Variants in ARPC4 observed in about 807,000 individuals in gnomAD.
The protein encoded by ARPC4 is actin related protein 2/3 complex subunit 4, also known as actin-related protein 2/3 complex subunit 4.
ARPC4 carries 3 observed loss-of-function variants against 22.8 expected under a neutral mutation model. That is an observed-to-expected ratio of 0.13 (90% CI 0.06 to 0.34). The LOEUF is 0.34. Ranked by LOEUF, ARPC4 falls within the 10% of genes least tolerant of loss-of-function variation. The pLI is 1.00. For synonymous variants in ARPC4, 80 were observed against 72.5 expected (o/e 1.10, Z -0.52); for missense variants, 98 against 211.0 (o/e 0.46, Z 3.32).
chr3:9,792,762 T>G, upstream of ARPC4: 1 of 1,245,594 alleles, frequency 8.0e-7, no homozygotes, highest in South Asian at 3.4e-5. Flanking sequence ...GAAGGGCTCG[T>G]CCGCTTCGGC....
intron 1 of ARPC4, among the ~76,000 whole-genome samples, chr3:9,794,919 A>G (rs1378093015): frequency 6.6e-6 from 1 of 152,162 alleles, no homozygotes; most frequent in South Asian, 2.1e-4. Context: ...AGAGTCAACC[A>G]TGTTGTGTGT....
chr3:9,804,278 A>G (rs372784673), intron 5 of ARPC4: 67 of 365,756 alleles, frequency 1.8e-4, no homozygotes, highest in African/African-American at 1.3e-3. Flanking sequence ...TCATTTCTAC[A>G]TCTCAGGATG....
Position 9,806,368 on chromosome 3 carries a change from G to A in ARPC4, c.*153G>A. 1 of 886,024 alleles carries A rather than the reference G, an allele frequency of 1.1e-6. No individual in the cohort carries two copies. The highest frequency in any genetic ancestry group is 1.4e-5 in the South Asian group (1 of 71,054). 54.9% of individuals were successfully genotyped at this position (886,024 alleles called of 1,614,324 possible). On this transcript the variant is annotated 3_prime_UTR_variant, in exon 6 of 6. Coordinates refer to ENST00000397261, the MANE Select transcript of ARPC4 (RefSeq NM_005718.5). ...GAGGTGGGTGGTGTGCTTGCTAGCT[G>A]GGCAAGAAAGCAGCAGTGGACCTGC...
At chr3:9,802,755 C>A (rs530007745) in intron 4 of ARPC4, among the ~76,000 whole-genome samples, 31 of 150,442 alleles carry the variant, frequency 2.1e-4, no homozygotes, top group Admixed American at 9.4e-4. Flanking sequence ...CTGACTGCAA[C>A]CTTCCACCTC....
upstream of ARPC4, chr3:9,792,854 G>A (rs41278549): frequency 0.034 from 46,063 of 1,368,290 alleles, 889 homozygotes; most frequent in Middle Eastern, 0.045. Flanking sequence ...TGACAAGAAG[G>A]CCGAAGGCAC....
rs1340218076 is a variant in ARPC4, at chr3:9,800,247, T to G, written c.185T>G (p.Leu62Arg). 2 of 1,614,072 alleles carry G rather than the reference T, an allele frequency of 1.2e-6. No homozygotes were observed. Among genetic ancestry groups the G allele is most frequent in the Non-Finnish European group, 1.7e-6 (2 of 1,180,042 alleles). Residue 62 changes from leucine (L) to arginine (R), a missense_variant, in exon 3 of 6, where the codon CTG becomes CGG. Physicochemically the swap from Leu to Arg is moderately radical, Grantham distance 102 (BLOSUM62 -2). Transcript: ENST00000397261. ...TISRNEKEKV[L>R]IEGSINSVRV... is the part of the protein sequence containing the mutation. ...AGCAGGAATGAGAAGGAAAAGGTTC[T>G]GATTGAGGGCTCCATCAACTCTGTC...
rs765453240 is a variant in ARPC4, at chr3:9,793,112, A to T, written c.-10A>T. The stretch of plus-strand genomic sequence containing the variant: ...CGTACTTCCGCTTTCCGGCCCAGCC[A>T]GCGCCCGCGATGGTGAGAGAGCCGG... On this transcript the variant is annotated 5_prime_UTR_variant, in exon 1 of 6. Coordinates refer to ENST00000397261, the MANE Select transcript of ARPC4 (RefSeq NM_005718.5). 2.6e-6 allele frequency: 4 copies of T among 1,543,924 alleles called. No individual in the cohort carries two copies. Among genetic ancestry groups the T allele is most frequent in the Non-Finnish European group, 3.5e-6 (4 of 1,144,172 alleles).
intron 1 of ARPC4, among the ~76,000 whole-genome samples, chr3:9,797,101 C>A (rs749122760): frequency 1.8e-4 from 27 of 152,100 alleles, no homozygotes; most frequent in Non-Finnish European, 3.4e-4. Context: ...TATTTGCTAT[C>A]CAGTTGAGCT....
At chr3:9,800,102 T>C in intron 2 of ARPC4, 83 bp from the exon 3 acceptor site, 3 of 1,374,266 alleles carry the variant, frequency 2.2e-6, no homozygotes, top group Non-Finnish European at 1.0e-6. Context: ...TATGGTCTCA[T>C]AGTGATTCCA....
intron 1 of ARPC4, among the ~76,000 whole-genome samples, chr3:9,794,036 G>A: frequency 6.6e-6 from 1 of 152,032 alleles, no homozygotes. Flanking sequence ...AAACTTTTGT[G>A]ACCTCATGTC....
intron 4 of ARPC4, among the ~76,000 whole-genome samples, chr3:9,802,427 G>C (rs1393425058): frequency 2.0e-5 from 3 of 149,742 alleles, no homozygotes; most frequent in African/African-American, 7.4e-5. Flanking sequence ...CCAGGCTGGA[G>C]TGCAGTGGCA....
At chr3:9,792,976 G>C, upstream of ARPC4, 1 of 1,427,192 alleles carries the variant, frequency 7.0e-7, no homozygotes. Flanking sequence ...CCAAGCGTTC[G>C]TAAGGGCTCT....
chr3:9,794,783 C>T (rs2078845769), intron 1 of ARPC4, among the ~76,000 whole-genome samples: 1 of 152,186 alleles, frequency 6.6e-6, no homozygotes, highest in Non-Finnish European at 1.5e-5. Context: ...AATCAGTCCT[C>T]TCCTTCCCAC....
At chr3:9,803,693 C>T in intron 4 of ARPC4, 150 bp from the exon 5 acceptor site, 1 of 907,806 alleles carries the variant, frequency 1.1e-6, no homozygotes, top group Non-Finnish European at 1.8e-6. Flanking sequence ...AGCAGCTGGG[C>T]TGCTGACTGG....
chr3:9,793,790 C>G (rs955601995), intron 1 of ARPC4, among the ~76,000 whole-genome samples: 5 of 151,756 alleles, frequency 3.3e-5, no homozygotes, highest in Non-Finnish European at 7.4e-5. Flanking sequence ...TGTGGGCATT[C>G]CTGGGAGTTG....
chr3:9,803,163 G>A (rs1297710077), intron 4 of ARPC4, among the ~76,000 whole-genome samples: 4 of 151,578 alleles, frequency 2.6e-5, no homozygotes, highest in East Asian at 2.0e-4. Context: ...GATTACAGGC[G>A]TGAGCCACCG....
At chr3:9,802,653 G>GC (rs1326105351) in intron 4 of ARPC4, among the ~76,000 whole-genome samples, 2 of 145,830 alleles carry the variant, frequency 1.4e-5, no homozygotes, top group Non-Finnish European at 3.0e-5. Context: ...GGGATTACAG[G>GC]CTTGAGCCAC....
chr3:9,806,256 C>G lies in ARPC4; in HGVS notation c.*41C>G. ...CTCGTGGCCTTCCCCCTCAGACTAC[C>G]CATGTCTCCACGAAGGCGTCCTGGA... On this transcript the variant is annotated 3_prime_UTR_variant, in exon 6 of 6. Coordinates refer to ENST00000397261, the MANE Select transcript of ARPC4 (RefSeq NM_005718.5). 1 of 1,608,794 alleles carries G rather than the reference C, an allele frequency of 6.2e-7. No homozygotes were observed. The highest frequency in any genetic ancestry group is 8.5e-7 in the Non-Finnish European group (1 of 1,175,144).
At chr3:9,796,700 G>A (rs2078896073) in intron 1 of ARPC4, among the ~76,000 whole-genome samples, 1 of 152,166 alleles carries the variant, frequency 6.6e-6, no homozygotes, top group Non-Finnish European at 1.5e-5. Flanking sequence ...CCAGCACTTT[G>A]GGAGGCCAAG....
Sources: allele counts gnomAD v4.1 joint callset (sites outside exome capture counted in the v4.1 genomes callset), GRCh38; gene constraint gnomAD v4.1.1; transcripts MANE v1.5; gene names NCBI Gene and HGNC (gene_info 2026-07-23, HGNC 2026-07-21).